The following CCSER2 variants were observed in gnomAD, a reference collection of about 807,000 sequenced individuals.
The protein encoded by CCSER2 is coiled-coil serine rich protein 2, also known as serine-rich coiled-coil domain-containing protein 2.
A neutral mutation model predicts 92.3 loss-of-function variants in CCSER2; 46 were observed. That is an observed-to-expected ratio of 0.50 (90% CI 0.39 to 0.64). The LOEUF (loss-of-function observed/expected upper bound fraction) is 0.64, where lower values mean the gene tolerates loss of function less well. CCSER2 is among the 30% of genes least tolerant of loss of function. The pLI, the probability that CCSER2 is intolerant of heterozygous loss-of-function variation, is 0.00. For missense variants in CCSER2, 1,244 were observed against 1,238.9 expected (o/e 1.00, Z -0.06); for synonymous variants, 433 against 431.4 (o/e 1.00, Z -0.04).
At chr10:84,406,888 A>G (rs1369538058) in intron 3 of CCSER2, among the ~76,000 whole-genome samples, 2 of 152,164 alleles carry the variant, frequency 1.3e-5, no homozygotes, top group African/African-American at 4.8e-5. Flanking sequence ...GAAAAGTTAG[A>G]GTAAGTTAAT....
intron 1 of CCSER2, among the ~76,000 whole-genome samples, chr10:84,354,402 C>T (rs1482900738): frequency 1.3e-5 from 2 of 152,130 alleles, no homozygotes; most frequent in Admixed American, 6.5e-5. Context: ...TTGTAAACTA[C>T]TAAGCCCAAT....
chr10:84,457,406 T>TTTTAAATATATATTTATTTAAATATATA (rs1845795108), intron 6 of CCSER2, among the ~76,000 whole-genome samples: 1 of 75,628 alleles, frequency 1.3e-5, no homozygotes, highest in African/African-American at 5.3e-5. Context: ...TAAATATATA[T>TTTTAAATATATATTTATTTAAATATATA]TTTAAAAAAT....
intron 3 of CCSER2, among the ~76,000 whole-genome samples, chr10:84,374,996 CATTAGATAAA>C (rs1291733435): frequency 6.6e-6 from 1 of 152,084 alleles, no homozygotes; most frequent in Non-Finnish European, 1.5e-5. Flanking sequence ...GTCTTCATCT[CATTAGATAAA>C]GGAGGCTCAG....
rs1564606972 is a variant in CCSER2, at chr10:84,371,527, G to C, written c.475G>C (p.Gly159Arg). Reference sequence around the variant, plus strand: ...TAAATTCACCAAAGGCACATTATTAGGAAGGACTTCATATTCTTCGATCAA... The same window carrying C: ...TAAATTCACCAAAGGCACATTATTACGAAGGACTTCATATTCTTCGATCAA... Reference protein sequence around the residue: ...LGKFTKGTLLGRTSYSSINTP... With the variant: ...LGKFTKGTLLRRTSYSSINTP... Residue 159 changes from glycine to arginine, a missense_variant, in exon 2 of 10, where the codon GGA (glycine) becomes CGA (arginine). Gly to Arg is a moderately radical substitution (Grantham distance 125, BLOSUM62 -2). Transcript: ENST00000372088. The C allele has an allele frequency of 2.5e-6, 4 of 1,613,592 alleles. No homozygotes were observed. In the African/African-American group the frequency reaches 5.3e-5, roughly 22 times the overall value.
chr10:84,488,852 T>C (rs1847969094), intron 9 of CCSER2, among the ~76,000 whole-genome samples: 1 of 152,240 alleles, frequency 6.6e-6, no homozygotes, highest in Non-Finnish European at 1.5e-5. Flanking sequence ...TTTAGATCTT[T>C]CCTGCTTTCT....
At chr10:84,457,279 TTATATATTATATATTATATATAATATG>T (rs1564684653) in intron 6 of CCSER2, among the ~76,000 whole-genome samples, 2,019 of 7,904 alleles carry the variant, frequency 0.26, 94 homozygotes, top group African/African-American at 0.47. Flanking sequence ...ATATAATATA[TTATATATTATATATTATATATAATATG>T]TTATATATAA....
intron 3 of CCSER2, among the ~76,000 whole-genome samples, chr10:84,380,654 T>G (rs1010811180): frequency 2.0e-5 from 3 of 151,948 alleles, no homozygotes; most frequent in African/African-American, 7.2e-5. Flanking sequence ...ACCTCTGTCA[T>G]GTACTAGCTG....
chr10:84,393,559 T>C (rs966299656), intron 3 of CCSER2, among the ~76,000 whole-genome samples: 1 of 152,188 alleles, frequency 6.6e-6, no homozygotes, highest in African/African-American at 2.4e-5. Flanking sequence ...TGCATGTTGG[T>C]GGCCCTCTGT....
chr10:84,362,790 T>C (rs1191376923), intron 1 of CCSER2, among the ~76,000 whole-genome samples: 1 of 152,066 alleles, frequency 6.6e-6, no homozygotes, highest in African/African-American at 2.4e-5. Flanking sequence ...GCTAAAGTTG[T>C]CATTTTTGCT....
At chr10:84,475,950 A>G (rs1423265260) in intron 8 of CCSER2, among the ~76,000 whole-genome samples, 1 of 151,774 alleles carries the variant, frequency 6.6e-6, no homozygotes, top group Admixed American at 6.6e-5. Flanking sequence ...CTCTCACTCA[A>G]CCTCCCGGGT....
chr10:84,474,760 T>G (rs1390848310), intron 8 of CCSER2, among the ~76,000 whole-genome samples: 1 of 151,834 alleles, frequency 6.6e-6, no homozygotes, highest in African/African-American at 2.4e-5. Flanking sequence ...TAATGCCTGG[T>G]CCATGGATAC....
At chr10:84,463,426 C>T (rs1163773204) in intron 6 of CCSER2, among the ~76,000 whole-genome samples, 1 of 152,130 alleles carries the variant, frequency 6.6e-6, no homozygotes, top group Non-Finnish European at 1.5e-5. Context: ...ATTAGTTTTG[C>T]CTTTTCTCAG....
chr10:84,438,365 A>G, intron 5 of CCSER2, 147 bp from the exon 6 acceptor site: 1 of 522,638 alleles, frequency 1.9e-6, no homozygotes, highest in Non-Finnish European at 3.4e-6. Context: ...GTGGAAACAC[A>G]TCAGTGACTG....
intron 1 of CCSER2, among the ~76,000 whole-genome samples, chr10:84,341,717 A>G (rs542244361): frequency 6.6e-6 from 1 of 152,266 alleles, no homozygotes; most frequent in South Asian, 2.1e-4. Context: ...ACCTGTGTCT[A>G]TGACCAGCCA....
chr10:84,404,753 TATC>T, intron 3 of CCSER2, among the ~76,000 whole-genome samples: 1 of 152,368 alleles, frequency 6.6e-6, no homozygotes, highest in African/African-American at 2.4e-5. Context: ...TGTTTCTCTG[TATC>T]ATCAATGACT....
intron 3 of CCSER2, among the ~76,000 whole-genome samples, chr10:84,403,515 A>G (rs573565852): frequency 6.6e-6 from 1 of 152,346 alleles, no homozygotes; most frequent in East Asian, 1.9e-4. Context: ...GTGGGAGAAG[A>G]ACTTTGCAAA....
intron 3 of CCSER2, among the ~76,000 whole-genome samples, chr10:84,382,361 A>T (rs929113884): frequency 1.3e-5 from 2 of 152,172 alleles, no homozygotes; most frequent in Non-Finnish European, 2.9e-5. Context: ...ATTGGCACTA[A>T]TAGGTTAGGA....
At chr10:84,455,682 A>T in intron 6 of CCSER2, 1 of 732,192 alleles carries the variant, frequency 1.4e-6, no homozygotes, top group South Asian at 1.4e-5. Context: ...GTCATGGAGT[A>T]ACTCCTCCCA....
intron 3 of CCSER2, among the ~76,000 whole-genome samples, chr10:84,413,713 C>T (rs1842762825): frequency 6.6e-6 from 1 of 152,032 alleles, no homozygotes; most frequent in South Asian, 2.1e-4. Context: ...AATTTCTGTC[C>T]TGATGATCTT....
Sources: gnomAD v4.1 joint callset for allele counts (sites outside exome capture counted in the v4.1 genomes callset) on GRCh38, gnomAD v4.1.1 for gene constraint, MANE v1.5 for transcripts, NCBI Gene and HGNC (gene_info 2026-07-23, HGNC 2026-07-21) for gene names.